Variants in CDH13 observed in about 807,000 individuals in gnomAD.
CDH13 encodes cadherin 13, also known as cadherin-13.
Under a neutral mutation model 63.8 loss-of-function variants are expected in CDH13, and 24 were observed. That is an observed-to-expected ratio of 0.38 (90% CI 0.27 to 0.53). The LOEUF is 0.53. Ranked by LOEUF, CDH13 falls within the 20% of genes least tolerant of loss-of-function variation. The pLI is 0.85. For synonymous variants in CDH13, 503 were observed against 355.3 expected, an observed-to-expected ratio of 1.42 and a Z score of -4.67; for missense variants, 1,049 against 903.1, an observed-to-expected ratio of 1.16 and a Z score of -2.07.
chr16:83,011,440 A>G (rs1680084858), intron 2 of CDH13, among the ~76,000 whole-genome samples: 1 of 152,160 alleles, frequency 6.6e-6, no homozygotes, highest in Non-Finnish European at 1.5e-5. Flanking sequence ...AACTTCTACA[A>G]GTAGTGCAAA....
chr16:83,065,838 G>A (rs1447478952), intron 3 of CDH13, among the ~76,000 whole-genome samples: 2 of 152,056 alleles, frequency 1.3e-5, no homozygotes, highest in Non-Finnish European at 2.9e-5. Flanking sequence ...GGTGCCACAG[G>A]ACACACAGCT....
chr16:82,694,769 T>C (rs2030054832), intron 1 of CDH13, among the ~76,000 whole-genome samples: 1 of 152,202 alleles, frequency 6.6e-6, no homozygotes, highest in South Asian at 2.1e-4. Flanking sequence ...GAGGATTTAC[T>C]GTGGGCAGAC....
intron 10 of CDH13, among the ~76,000 whole-genome samples, chr16:83,716,741 C>T (rs943294384): frequency 2.0e-5 from 3 of 152,200 alleles, no homozygotes; most frequent in African/African-American, 2.4e-5. Context: ...CTCAGCCTTC[C>T]AAAGTGCTGG....
intron 7 of CDH13, among the ~76,000 whole-genome samples, chr16:83,585,405 G>A (rs556769988): frequency 6.6e-6 from 1 of 152,186 alleles, no homozygotes; most frequent in African/African-American, 2.4e-5. Flanking sequence ...TGTTCAGTGG[G>A]TGTGGGAGAG....
At chr16:83,784,443 C>G (rs1915742962) in intron 13 of CDH13, among the ~76,000 whole-genome samples, 1 of 152,024 alleles carries the variant, frequency 6.6e-6, no homozygotes, top group Non-Finnish European at 1.5e-5. Context: ...ACCAGTCTGG[C>G]CAACATGGTG....
intron 7 of CDH13, among the ~76,000 whole-genome samples, chr16:83,556,919 T>C (rs1405496199): frequency 6.6e-6 from 1 of 152,186 alleles, no homozygotes; most frequent in South Asian, 2.1e-4. Context: ...TGTCTACAGA[T>C]TCTCATGACA....
chr16:83,463,118 A>G (rs1418985376), intron 6 of CDH13, among the ~76,000 whole-genome samples: 2 of 152,126 alleles, frequency 1.3e-5, no homozygotes, highest in African/African-American at 2.4e-5. Flanking sequence ...TAGTGTAATG[A>G]AAGATGAGCA....
At chr16:83,697,693 G>A (rs1329231773) in intron 10 of CDH13, among the ~76,000 whole-genome samples, 1 of 152,162 alleles carries the variant, frequency 6.6e-6, no homozygotes, top group Non-Finnish European at 1.5e-5. Flanking sequence ...TGTCACCCAG[G>A]CTGGAGTGCA....
chr16:82,813,006 G>T lies in CDH13; in HGVS notation c.46-45356G>T, dbSNP rs190951805. 3.3e-5 allele frequency among the ~76,000 whole-genome samples: 5 copies of T among 152,180 alleles called. No homozygotes were observed. In the East Asian group the frequency reaches 7.8e-4, roughly 24 times the overall value. On this transcript the variant is annotated intron_variant, in intron 1 of 13. Coordinates refer to ENST00000567109, the MANE Select transcript of CDH13 (RefSeq NM_001257.5). ...GGGACCTGTTAACTTTTTAAACCTGGGAGTTGAATCAATGAAAAACTGAGT... is the reference window on the plus strand; with the variant it reads ...GGGACCTGTTAACTTTTTAAACCTGTGAGTTGAATCAATGAAAAACTGAGT...
At chr16:83,473,208 A>G (rs1194714012) in intron 6 of CDH13, among the ~76,000 whole-genome samples, 1 of 152,192 alleles carries the variant, frequency 6.6e-6, no homozygotes, top group Non-Finnish European at 1.5e-5. Context: ...GTGTTATTTT[A>G]TACATACTTT....
At chr16:83,754,313 A>T (rs1251852094) in intron 11 of CDH13, among the ~76,000 whole-genome samples, 1 of 152,148 alleles carries the variant, frequency 6.6e-6, no homozygotes, top group African/African-American at 2.4e-5. Flanking sequence ...GAAGAATTGG[A>T]TTTCCTGGAG....
intron 1 of CDH13, among the ~76,000 whole-genome samples, chr16:82,692,924 T>C (rs927666600): frequency 2.6e-5 from 4 of 152,174 alleles, no homozygotes; most frequent in African/African-American, 4.8e-5. Context: ...TTCTAGCCAA[T>C]AGAGTACCTC....
At chr16:82,875,107 T>C (rs907596845) in intron 2 of CDH13, among the ~76,000 whole-genome samples, 1 of 152,218 alleles carries the variant, frequency 6.6e-6, no homozygotes, top group Non-Finnish European at 1.5e-5. Flanking sequence ...TTTTGGGGCA[T>C]GACCAAGGTA....
intron 4 of CDH13, among the ~76,000 whole-genome samples, chr16:83,213,100 A>G (rs569361076): frequency 6.6e-6 from 1 of 152,258 alleles, no homozygotes; most frequent in South Asian, 2.1e-4. Context: ...GAGACAGAAG[A>G]GAGACAGACG....
intron 7 of CDH13, among the ~76,000 whole-genome samples, chr16:83,509,770 T>C (rs1396121304): frequency 1.3e-5 from 2 of 152,212 alleles, no homozygotes; most frequent in African/African-American, 2.4e-5. Context: ...AGCCTTATTA[T>C]GAGTCAAGCA....
At chr16:83,458,960 C>G (rs1204866624) in intron 6 of CDH13, among the ~76,000 whole-genome samples, 1 of 152,230 alleles carries the variant, frequency 6.6e-6, no homozygotes, top group Non-Finnish European at 1.5e-5. Context: ...TGTCTATTTA[C>G]AGATGATGAA....
At chr16:83,134,392 G>T (rs2036184657) in intron 4 of CDH13, among the ~76,000 whole-genome samples, 1 of 151,946 alleles carries the variant, frequency 6.6e-6, no homozygotes, top group Non-Finnish European at 1.5e-5. Flanking sequence ...CTTTCACCAT[G>T]TTAGCCAGGC....
chr16:82,643,192 G>A (rs529876982), intron 1 of CDH13, among the ~76,000 whole-genome samples: 151 of 152,226 alleles, frequency 9.9e-4, no homozygotes, highest in African/African-American at 3.5e-3. Flanking sequence ...ATCTTAACCG[G>A]CTAAGCTTTA....
chr16:82,893,163 G>A (rs1415489142), intron 2 of CDH13, among the ~76,000 whole-genome samples: 1 of 152,190 alleles, frequency 6.6e-6, no homozygotes, highest in African/African-American at 2.4e-5. Context: ...ACCTCAAACA[G>A]AGAAACCTCA....
Sources: gnomAD v4.1 joint callset for allele counts (sites outside exome capture counted in the v4.1 genomes callset) on GRCh38, gnomAD v4.1.1 for gene constraint, MANE v1.5 for transcripts, NCBI Gene and HGNC (gene_info 2026-07-23, HGNC 2026-07-21) for gene names.